The following FAT4 variants were observed in gnomAD, a reference collection of about 807,000 sequenced individuals.
FAT4 encodes the protein protocadherin Fat 4.
A neutral mutation model predicts 303.9 loss-of-function variants in FAT4; 84 were observed. That is an observed-to-expected ratio of 0.28 (90% confidence interval 0.23 to 0.33). The LOEUF (loss-of-function observed/expected upper bound fraction) is 0.33. FAT4 is among the 10% of genes least tolerant of loss of function. FAT4 has a pLI of 1.00. For synonymous variants in FAT4, 2,307 were observed against 2,298.8 expected (o/e 1.00, Z -0.10); for missense variants, 6,005 against 6,146.8 (o/e 0.98, Z 0.77).
At chr4:125,477,380 A>T in intron 14 of FAT4, 46 bp downstream of exon 14, 1 of 1,476,964 alleles carries the variant, frequency 6.8e-7, no homozygotes, top group East Asian at 2.5e-5. Context: ...AAAAATGCAA[A>T]AAAGTATGCT....
chr4:125,391,164 C>T (rs1042255255), intron 2 of FAT4, among the ~76,000 whole-genome samples: 2 of 152,220 alleles, frequency 1.3e-5, no homozygotes, highest in Non-Finnish European at 1.5e-5. Flanking sequence ...AATCCCATTA[C>T]TGGGTATATA....
At position 125,474,292 on chromosome 4, in the gene FAT4, C is replaced by T. The variant is rs188775157; in HGVS notation, c.12214-1879C>T. 2.2e-4 allele frequency among the ~76,000 whole-genome samples: 33 copies of T among 152,042 alleles called. No individual in the cohort carries two copies. In the East Asian group the frequency reaches 6.4e-3, roughly 29 times the overall value. ...TCTAGTTTATGATACTTTTAGGGAT[C>T]TCTACAAGGATACTTGCATAATATA... On this transcript the variant is annotated intron_variant, in intron 12 of 17. Transcript: ENST00000394329.
intron 7 of FAT4, among the ~76,000 whole-genome samples, chr4:125,424,114 CAT>C (rs1725001904): frequency 6.6e-6 from 1 of 152,054 alleles, no homozygotes; most frequent in African/African-American, 2.4e-5. Context: ...GTTGGGAAGG[CAT>C]GATTGTGTTT....
At chr4:125,464,384 G>A (rs573347848) in intron 11 of FAT4, among the ~76,000 whole-genome samples, 2 of 151,924 alleles carry the variant, frequency 1.3e-5, no homozygotes, top group African/African-American at 4.8e-5. Context: ...GGAAGCATTT[G>A]TATTAGCTTG....
At chr4:125,460,202 T>C (rs1726435101) in intron 10 of FAT4, among the ~76,000 whole-genome samples, 1 of 152,090 alleles carries the variant, frequency 6.6e-6, no homozygotes, top group African/African-American at 2.4e-5. Context: ...TTACATACTC[T>C]ACCACCAACA....
intron 2 of FAT4, among the ~76,000 whole-genome samples, chr4:125,392,649 A>T (rs1734017138): frequency 6.6e-6 from 1 of 152,190 alleles, no homozygotes; most frequent in African/African-American, 2.4e-5. Flanking sequence ...AGTGGCATTG[A>T]TAAGACGAAC....
At chr4:125,392,585 G>A (rs903465685) in intron 2 of FAT4, among the ~76,000 whole-genome samples, 9 of 152,048 alleles carry the variant, frequency 5.9e-5, no homozygotes, top group African/African-American at 2.2e-4. Context: ...TTTAACTATA[G>A]TTTCTTTAGT....
rs116727571 is a variant in FAT4 at position 125,405,545 on chromosome 4, C to T, written c.5308-1335C>T. Among the ~76,000 whole-genome samples, 896 of 151,616 alleles carry T rather than the reference C, an allele frequency of 5.9e-3. 2 individuals carry two copies. Among genetic ancestry groups the T allele is most frequent in the Non-Finnish European group, 9.3e-3 (629 of 67,918 alleles). On this transcript the variant is annotated intron_variant, in intron 3 of 17. Transcript: ENST00000394329. ...TTTTTTTTGAGACAAGAGTCTCGCT[C>T]TGTTACCTAGGCTACAGTACAGTGG...
At position 125,449,734 on chromosome 4, in the gene FAT4, A is replaced by T; in HGVS notation, c.8724A>T (p.Gln2908His). ...ATCCTGATGAGGGATCAAATGGACA[A>T]GTGTTTTATTTCATAAAATCCCAAT... ...ATDPDEGSNG[Q>H]VFYFIKSQSE... The change falls in exon 10 of 18, where the codon CAA (glutamine) becomes CAT (histidine). Residue 2908 changes from glutamine to histidine, a missense_variant. Gln to His is a conservative substitution (Grantham distance 24). Coordinates refer to ENST00000394329, the MANE Select transcript of FAT4 (RefSeq NM_001291303.3). 6.2e-7 allele frequency: 1 copy of T among 1,613,884 alleles called. No individual in the cohort carries two copies. Among genetic ancestry groups the T allele is most frequent in the Non-Finnish European group, 8.5e-7 (1 of 1,179,894 alleles).
intron 2 of FAT4, among the ~76,000 whole-genome samples, chr4:125,333,056 A>G (rs1731446843): frequency 6.6e-6 from 1 of 152,108 alleles, no homozygotes; most frequent in South Asian, 2.1e-4. Flanking sequence ...TATATATACA[A>G]CAAAGAGATA....
chr4:125,390,438 A>G (rs919874024), intron 2 of FAT4, among the ~76,000 whole-genome samples: 2 of 152,090 alleles, frequency 1.3e-5, no homozygotes, highest in Non-Finnish European at 2.9e-5. Context: ...GGTTGTACTG[A>G]TATTGGTGTG....
At chr4:125,398,604 GT>G (rs1378777588) in intron 2 of FAT4, among the ~76,000 whole-genome samples, 179 bp from the exon 3 acceptor site, 1 of 152,056 alleles carries the variant, frequency 6.6e-6, no homozygotes, top group African/African-American at 2.4e-5. Flanking sequence ...TCGACTTTAT[GT>G]TTTCGTGTAA....
At chr4:125,440,153 C>G (rs905803968) in intron 8 of FAT4, among the ~76,000 whole-genome samples, 10 of 152,186 alleles carry the variant, frequency 6.6e-5, no homozygotes, top group Middle Eastern at 3.4e-3. Context: ...GTGGTTGTCA[C>G]TTAAATAAAT....
At chr4:125,460,485 T>G (rs1363420919) in intron 10 of FAT4, among the ~76,000 whole-genome samples, 1 of 152,034 alleles carries the variant, frequency 6.6e-6, no homozygotes, top group Non-Finnish European at 1.5e-5. Flanking sequence ...CTTCTCTGTG[T>G]CCATGTGTTC....
rs769526903 is a variant in FAT4, at chr4:125,449,215, G to A, written c.8205G>A (p.Arg2735=). 7 of 1,613,670 alleles carry A rather than the reference G, an allele frequency of 4.3e-6. No homozygotes were observed. The Admixed American group carries it at 6.7e-5, about 15-fold the overall frequency. ...GEIRSVRPLD[R]EKVSHYVLTI... ...TTAGAAGCGTTAGACCTTTGGACAG[G>A]GAAAAAGTATCTCATTATGTCCTAA... Residue 2735 remains arginine, a synonymous_variant, in exon 10 of 18, where the codon AGG becomes AGA. Transcript: ENST00000394329.
Position 125,414,976 on chromosome 4 carries a change from G to T in FAT4, c.6013G>T (p.Ala2005Ser). Reference protein sequence around the residue: ...DKNGVLKVLKALDRESQSFYN... With the variant: ...DKNGVLKVLKSLDRESQSFYN... ...GAATGGTGTACTCAAAGTCCTAAAA[G>T]CTTTGGATCGGGAAAGTCAGTCCTT... Residue 2005 changes from alanine to serine, a missense_variant, in exon 6 of 18, where the codon GCT (alanine) becomes TCT (serine). Coordinates refer to ENST00000394329, the MANE Select transcript of FAT4 (RefSeq NM_001291303.3). 6.2e-7 allele frequency: 1 copy of T among 1,613,920 alleles called. No homozygotes were observed. The highest frequency in any genetic ancestry group is 8.5e-7 in the Non-Finnish European group (1 of 1,179,896).
Position 125,451,545 on chromosome 4 carries a change from T to A in FAT4, c.10535T>A (p.Leu3512Gln). ...LEDINDNGPM[L>Q]TVSEGEVMEN... ...GATATAAATGATAACGGGCCCATGC[T>A]GACTGTCAGTGAAGGAGAAGTCATG... is the stretch of plus-strand genomic sequence containing the variant. Residue 3512 changes from leucine (L) to glutamine (Q), a missense_variant, in exon 10 of 18, where the codon CTG becomes CAG. Physicochemically the swap from Leu to Gln is moderately radical, Grantham distance 113. Coordinates refer to ENST00000394329, the MANE Select transcript of FAT4 (RefSeq NM_001291303.3). The A allele has an allele frequency of 6.2e-7, 1 of 1,614,194 alleles. No homozygotes were observed. The highest frequency in any genetic ancestry group is 8.5e-7 in the Non-Finnish European group (1 of 1,180,026).
chr4:125,432,205 C>G (rs766889426), intron 7 of FAT4, among the ~76,000 whole-genome samples: 1 of 152,154 alleles, frequency 6.6e-6, no homozygotes. Flanking sequence ...ACTGTTCCCC[C>G]TACTGGCAGT....
intron 2 of FAT4, among the ~76,000 whole-genome samples, chr4:125,346,923 C>A (rs2125974094): frequency 6.6e-6 from 1 of 152,012 alleles, no homozygotes; most frequent in East Asian, 1.9e-4. Context: ...TTGACTTTTC[C>A]TTTTTAGACC....
Sources: allele counts gnomAD v4.1 joint callset (sites outside exome capture counted in the v4.1 genomes callset), GRCh38; gene constraint gnomAD v4.1.1; transcripts MANE v1.5; gene names NCBI Gene and HGNC (gene_info 2026-07-23, HGNC 2026-07-21).